GLIPR1L2: variants seen among roughly 807,000 people sequenced by gnomAD.
GLIPR1L2 encodes the protein GLIPR1-like protein 2.
A neutral mutation model predicts 28.4 loss-of-function variants in GLIPR1L2; 21 were observed. The observed-to-expected ratio is 0.74, with a 90% CI of 0.52 to 1.06. The LOEUF (loss-of-function observed/expected upper bound fraction) is 1.06. Ranked by LOEUF, GLIPR1L2 falls within the 50% of genes least tolerant of loss-of-function variation. GLIPR1L2 has a pLI of 0.00. For missense variants in GLIPR1L2, 476 were observed against 416.9 expected (o/e 1.14, Z -1.23); for synonymous variants, 145 against 139.3 (o/e 1.04, Z -0.29).
intron 1 of GLIPR1L2, among the ~76,000 whole-genome samples, chr12:75,401,223 ATTTC>A (rs1237345897): frequency 6.6e-6 from 1 of 151,672 alleles, no homozygotes; most frequent in African/African-American, 2.4e-5. Context: ...AGTGAATTTA[ATTTC>A]TTTATCAATA....
At chr12:75,412,671 C>T (rs1402733046) in intron 2 of GLIPR1L2, among the ~76,000 whole-genome samples, 1 of 151,776 alleles carries the variant, frequency 6.6e-6, no homozygotes. Context: ...GTTAGAATGG[C>T]GATCATTAAA....
At chr12:75,412,437 C>T (rs1049561602) in intron 2 of GLIPR1L2, among the ~76,000 whole-genome samples, 1 of 151,736 alleles carries the variant, frequency 6.6e-6, no homozygotes, top group African/African-American at 2.4e-5. Context: ...ATTTTCACAA[C>T]CTACACATCT....
intron 1 of GLIPR1L2, 137 bp downstream of exon 1, chr12:75,391,487 C>T (rs1332004049): frequency 3.9e-6 from 6 of 1,545,956 alleles, no homozygotes; most frequent in Admixed American, 3.9e-5. Flanking sequence ...TTTTAAAGTA[C>T]ACGTGAAGTT....
At position 75,401,093 on chromosome 12, in the gene GLIPR1L2, A is replaced by C. The variant is rs1446852637; in HGVS notation, c.235-9341A>C. On this transcript the variant is annotated intron_variant, in intron 1 of 5. Transcript: ENST00000550916. ...CCAGATTTACAAAAGAGAAGTGAGC[A>C]ATACAAAGAAACTTCATCAAGCCTG... 2.0e-5 allele frequency among the ~76,000 whole-genome samples: 3 copies of C among 151,948 alleles called. No homozygotes were observed. In the East Asian group the frequency reaches 5.8e-4, roughly 29 times the overall value.
chr12:75,427,897 A>G (rs892530831), intron 4 of GLIPR1L2, among the ~76,000 whole-genome samples: 18 of 152,344 alleles, frequency 1.2e-4, no homozygotes, highest in African/African-American at 4.3e-4. Context: ...CCAGCCATGC[A>G]GAACTGTGAG....
Position 75,391,305 on chromosome 12 carries a change from G to A in GLIPR1L2, c.189G>A (p.Glu63=), listed in dbSNP as rs367590944. 1.2e-5 allele frequency: 19 copies of A among 1,614,090 alleles called. No homozygotes were observed. The African/African-American group carries it at 2.4e-4, about 20-fold the overall frequency. The change falls in exon 1 of 6, where the codon GAG becomes GAA. Residue 63 remains glutamate, a synonymous_variant. Transcript: ENST00000550916. ...FINEYVNLHN[E]LRGDVIPRGS... ...ACGAGTACGTGAACCTCCACAATGA[G>A]CTGCGGGGCGACGTCATTCCCCGAG...
chr12:75,395,205 A>G (rs2045670448), intron 1 of GLIPR1L2, among the ~76,000 whole-genome samples: 1 of 151,926 alleles, frequency 6.6e-6, no homozygotes, highest in African/African-American at 2.4e-5. Flanking sequence ...ACATTTCTTC[A>G]TTTTGTTAAT....
intron 4 of GLIPR1L2, among the ~76,000 whole-genome samples, chr12:75,425,376 C>T (rs1399422836): frequency 2.0e-5 from 3 of 152,022 alleles, no homozygotes; most frequent in African/African-American, 7.3e-5. Context: ...TACTTAGGGG[C>T]AATCACACAT....
At position 75,410,430 on chromosome 12, in the gene GLIPR1L2, T is replaced by C. The variant is rs1299479098; in HGVS notation, c.235-4T>C. 4 of 1,504,622 alleles carry C rather than the reference T, an allele frequency of 2.7e-6. No individual in the cohort carries two copies. The African/African-American group carries it at 5.7e-5, about 21-fold the overall frequency. The allele number at this position is 1,504,622 out of a possible 1,614,324, so 93.2% of individuals were successfully genotyped here. ...GTTCTCTTTGCTTTTTGAATATTTTTCAGACTTGGGATGTAGCTTTATCAC... is the reference window on the plus strand; with the variant it reads ...GTTCTCTTTGCTTTTTGAATATTTTCCAGACTTGGGATGTAGCTTTATCAC... On this transcript the variant is annotated splice_region_variant and splice_polypyrimidine_tract_variant and intron_variant, in intron 1 of 5. Coordinates refer to ENST00000550916, the MANE Select transcript of GLIPR1L2 (RefSeq NM_001270396.2).
chr12:75,421,607 C>T (rs2045976831), intron 3 of GLIPR1L2, among the ~76,000 whole-genome samples: 1 of 152,088 alleles, frequency 6.6e-6, no homozygotes, highest in African/African-American at 2.4e-5. Flanking sequence ...TGTATCTTTT[C>T]CCTACTTGTT....
intron 4 of GLIPR1L2, among the ~76,000 whole-genome samples, chr12:75,426,579 A>C (rs1320410454): frequency 1.3e-5 from 2 of 152,168 alleles, no homozygotes; most frequent in Non-Finnish European, 2.9e-5. Flanking sequence ...TCTTACCTGA[A>C]GCTATACAGA....
At chr12:75,394,763 CA>C (rs71078727) in intron 1 of GLIPR1L2, among the ~76,000 whole-genome samples, 41,410 of 79,892 alleles carry the variant, frequency 0.52, 7,413 homozygotes, top group East Asian at 0.58. Flanking sequence ...TGTATTTCTG[CA>C]AAAAAAAAAA....
At chr12:75,412,842 T>C (rs932571908) in intron 2 of GLIPR1L2, among the ~76,000 whole-genome samples, 3 of 152,150 alleles carry the variant, frequency 2.0e-5, no homozygotes, top group Non-Finnish European at 4.4e-5. Context: ...ATCCCATTAC[T>C]GGGTATATAC....
At chr12:75,394,365 G>A (rs2045661106) in intron 1 of GLIPR1L2, among the ~76,000 whole-genome samples, 1 of 151,840 alleles carries the variant, frequency 6.6e-6, no homozygotes, top group African/African-American at 2.4e-5. Flanking sequence ...TTTCCCCTGT[G>A]CTTTTTAAAG....
Position 75,431,074 on chromosome 12 carries a change from A to G in GLIPR1L2, c.948A>G (p.Glu316=). The change falls in exon 6 of 6, where the codon GAA becomes GAG. Residue 316 remains glutamate (E), a synonymous_variant. Coordinates refer to ENST00000550916, the MANE Select transcript of GLIPR1L2 (RefSeq NM_001270396.2). Reference sequence around the variant, plus strand: ...AAGAGAAAGAGGAAATGGAAATGGAAATAATGGAAATGGAGGAGGAAAAAG... The same window carrying G: ...AAGAGAAAGAGGAAATGGAAATGGAGATAATGGAAATGGAGGAGGAAAAAG... ...EKKEKEEMEM[E]IMEMEEEKEE... is the part of the protein sequence containing the mutation. The G allele has an allele frequency of 7.4e-7, 1 of 1,343,862 alleles. No homozygotes were observed. The highest frequency in any genetic ancestry group is 1.0e-6 in the Non-Finnish European group (1 of 972,062). 83.2% of individuals were successfully genotyped at this position (1,343,862 alleles called of 1,614,324 possible).
chr12:75,413,552 A>G (rs1449458630), intron 2 of GLIPR1L2, 46 bp from the exon 3 acceptor site: 10 of 1,004,966 alleles, frequency 1.0e-5, no homozygotes, highest in African/African-American at 1.7e-5. Context: ...ATGAAAGTCA[A>G]TGTTTAAAAT....
intron 4 of GLIPR1L2, among the ~76,000 whole-genome samples, chr12:75,429,670 C>T (rs2046070232): frequency 6.6e-6 from 1 of 152,104 alleles, no homozygotes; most frequent in Non-Finnish European, 1.5e-5. Flanking sequence ...ATGGTAATCT[C>T]CAAGTGCTGA....
At chr12:75,410,732 C>T in intron 2 of GLIPR1L2, 53 bp downstream of exon 2, 1 of 1,314,246 alleles carries the variant, frequency 7.6e-7, no homozygotes, top group East Asian at 2.4e-5. Context: ...TTGATTTATG[C>T]CTGGTTTTAT....
chr12:75,421,204 A>G (rs1032571786), intron 3 of GLIPR1L2, among the ~76,000 whole-genome samples: 14 of 152,080 alleles, frequency 9.2e-5, no homozygotes, highest in African/African-American at 3.4e-4. Flanking sequence ...GACTAGATCA[A>G]CTCTTGAGTT....
Sources: gnomAD v4.1 joint callset for allele counts (sites outside exome capture counted in the v4.1 genomes callset) on GRCh38, gnomAD v4.1.1 for gene constraint, MANE v1.5 for transcripts, NCBI Gene and HGNC (gene_info 2026-07-23, HGNC 2026-07-21) for gene names.